NKAIN2: variants seen among roughly 807,000 people sequenced by gnomAD.
The protein encoded by NKAIN2 is sodium/potassium transporting ATPase interacting 2.
A neutral mutation model predicts 32.6 loss-of-function variants in NKAIN2; 14 were observed. That is an observed-to-expected ratio of 0.43 (90% confidence interval 0.28 to 0.67). The LOEUF is 0.67. Ranked by LOEUF, NKAIN2 falls within the 30% of genes least tolerant of loss-of-function variation. The probability of loss-of-function intolerance (pLI) is 0.17; values close to 1 mark genes in which losing one functional copy is unlikely to be tolerated. For synonymous variants in NKAIN2, 80 were observed against 87.2 expected, an observed-to-expected ratio of 0.92 and a Z score of 0.46; for missense variants, 198 against 258.3, an observed-to-expected ratio of 0.77 and a Z score of 1.60.
intron 1 of NKAIN2, among the ~76,000 whole-genome samples, chr6:124,238,586 C>T (rs77490164): frequency 0.044 from 6,637 of 152,202 alleles, 186 homozygotes; most frequent in Non-Finnish European, 0.058. Flanking sequence ...CAGCTCCCAG[C>T]GAGATCAACA....
At chr6:124,308,198 G>A (rs1796585505) in intron 2 of NKAIN2, among the ~76,000 whole-genome samples, 1 of 150,232 alleles carries the variant, frequency 6.7e-6, no homozygotes, top group African/African-American at 2.5e-5. Flanking sequence ...GTAACCATGT[G>A]TTCTCATTTT....
intron 1 of NKAIN2, among the ~76,000 whole-genome samples, chr6:124,176,630 A>G (rs2689884): frequency 0.59 from 89,084 of 151,850 alleles, 28,681 homozygotes; most frequent in Non-Finnish European, 0.73. Flanking sequence ...TAGATTTATT[A>G]AAAATAAATA....
chr6:124,267,481 TAAA>T (rs71541244), intron 1 of NKAIN2, among the ~76,000 whole-genome samples: 5 of 97,746 alleles, frequency 5.1e-5, no homozygotes, highest in Admixed American at 1.1e-4. Flanking sequence ...ACCATGTCTC[TAAA>T]AAAAAAAAAA....
intron 5 of NKAIN2, chr6:124,794,848 T>C: frequency 1.0e-6 from 1 of 968,022 alleles, no homozygotes; most frequent in Non-Finnish European, 1.2e-6. Flanking sequence ...CCTCAGACGA[T>C]GCCTGGACAT....
chr6:124,135,613 T>G (rs1377922211), intron 1 of NKAIN2, among the ~76,000 whole-genome samples: 1 of 151,372 alleles, frequency 6.6e-6, no homozygotes, highest in Admixed American at 6.6e-5. Context: ...CACCTAATAC[T>G]GGAGTTCCCA....
At chr6:124,754,419 A>C (rs1777865899) in intron 4 of NKAIN2, among the ~76,000 whole-genome samples, 1 of 151,740 alleles carries the variant, frequency 6.6e-6, no homozygotes, top group South Asian at 2.1e-4. Flanking sequence ...ATGAAATGTT[A>C]ACATTTTCAT....
At chr6:124,706,801 T>A (rs1023505799) in intron 4 of NKAIN2, among the ~76,000 whole-genome samples, 1 of 152,182 alleles carries the variant, frequency 6.6e-6, no homozygotes, top group Non-Finnish European at 1.5e-5. Context: ...TAAAACAGAC[T>A]GAATGCATTA....
chr6:123,845,773 G>T (rs1775062276), intron 1 of NKAIN2, among the ~76,000 whole-genome samples: 1 of 152,178 alleles, frequency 6.6e-6, no homozygotes, highest in Admixed American at 6.5e-5. Context: ...AGTAATGACT[G>T]TATACCTTAT....
intron 1 of NKAIN2, among the ~76,000 whole-genome samples, chr6:124,069,659 T>C (rs1207058382): frequency 2.6e-5 from 4 of 152,162 alleles, no homozygotes; most frequent in Non-Finnish European, 5.9e-5. Context: ...GTCCCAGCTT[T>C]CCTGTGGAGA....
At chr6:123,874,691 AG>A (rs1773082935) in intron 1 of NKAIN2, among the ~76,000 whole-genome samples, 1 of 152,094 alleles carries the variant, frequency 6.6e-6, no homozygotes, top group African/African-American at 2.4e-5. Context: ...TATGTGAAAA[AG>A]GGTTCATAAA....
intron 3 of NKAIN2, among the ~76,000 whole-genome samples, chr6:124,574,897 G>T (rs1781270456): frequency 6.6e-6 from 1 of 152,168 alleles, no homozygotes; most frequent in Non-Finnish European, 1.5e-5. Flanking sequence ...AAACATGTAA[G>T]ATGTACTGGG....
chr6:124,353,300 T>C (rs1049616629), intron 2 of NKAIN2, among the ~76,000 whole-genome samples: 5 of 152,172 alleles, frequency 3.3e-5, no homozygotes, highest in African/African-American at 1.2e-4. Flanking sequence ...AGACATTTCA[T>C]ATGAAATTAG....
chr6:124,501,530 C>A (rs1235319028), intron 3 of NKAIN2, among the ~76,000 whole-genome samples: 2 of 152,266 alleles, frequency 1.3e-5, no homozygotes, highest in East Asian at 1.9e-4. Context: ...GTCCACTATC[C>A]CTCAGCCCCT....
At chr6:124,364,536 G>A (rs1057061003) in intron 3 of NKAIN2, among the ~76,000 whole-genome samples, 1 of 151,792 alleles carries the variant, frequency 6.6e-6, no homozygotes, top group Non-Finnish European at 1.5e-5. Context: ...AGACCCAAAG[G>A]AACAGCAAAA....
At chr6:123,851,604 T>C (rs74798977) in intron 1 of NKAIN2, among the ~76,000 whole-genome samples, 2,127 of 152,264 alleles carry the variant, frequency 0.014, 39 homozygotes, top group African/African-American at 0.048. Flanking sequence ...GCCTTACTAA[T>C]TTGCAGTACC....
intron 1 of NKAIN2, among the ~76,000 whole-genome samples, chr6:124,273,129 C>A (rs1049976018): frequency 6.6e-6 from 1 of 152,062 alleles, no homozygotes; most frequent in Admixed American, 6.6e-5. Context: ...AAGTCATGAT[C>A]TGTTTTGAAA....
chr6:123,804,288 G>A, intron 1 of NKAIN2, 34 bp downstream of exon 1: 1 of 1,573,276 alleles, frequency 6.4e-7, no homozygotes, highest in South Asian at 1.1e-5. Flanking sequence ...ATTCTGTAAT[G>A]TGTCTTTGAG....
intron 3 of NKAIN2, among the ~76,000 whole-genome samples, chr6:124,546,635 T>C (rs1780103981): frequency 6.6e-6 from 1 of 152,122 alleles, no homozygotes; most frequent in South Asian, 2.1e-4. Flanking sequence ...ATTGAATTTG[T>C]TGGGACACTA....
intron 3 of NKAIN2, among the ~76,000 whole-genome samples, chr6:124,509,886 T>C (rs1252177592): frequency 6.6e-6 from 1 of 152,192 alleles, no homozygotes; most frequent in Non-Finnish European, 1.5e-5. Context: ...ACATTAGTTT[T>C]ATGCTTATTT....
Sources: gnomAD v4.1 joint callset for allele counts (sites outside exome capture counted in the v4.1 genomes callset) on GRCh38, gnomAD v4.1.1 for gene constraint, MANE v1.5 for transcripts, NCBI Gene and HGNC (gene_info 2026-07-23, HGNC 2026-07-21) for gene names.